The following ANKRD33B variants were observed in gnomAD, a reference collection of about 807,000 sequenced individuals.
The protein encoded by ANKRD33B is ankyrin repeat domain 33B.
ANKRD33B carries 6 observed loss-of-function variants against 21.5 expected under a neutral mutation model. That is an observed-to-expected ratio of 0.28 (90% CI 0.15 to 0.55). The LOEUF (loss-of-function observed/expected upper bound fraction) is 0.55. Ranked by LOEUF, ANKRD33B falls within the 20% of genes least tolerant of loss-of-function variation. The pLI, the probability that ANKRD33B is intolerant of heterozygous loss-of-function variation, is 0.94. For synonymous variants in ANKRD33B, 347 were observed against 342.4 expected, an observed-to-expected ratio of 1.01 and a Z score of -0.15; for missense variants, 698 against 747.2, an observed-to-expected ratio of 0.93 and a Z score of 0.77.
chr5:10,599,573 A>G (rs1397487260), intron 1 of ANKRD33B, among the ~76,000 whole-genome samples: 1 of 152,214 alleles, frequency 6.6e-6, no homozygotes, highest in Non-Finnish European at 1.5e-5. Context: ...TTGCATAAAT[A>G]GAATCATACA....
At chr5:10,641,487 C>A (rs1737061833) in intron 3 of ANKRD33B, among the ~76,000 whole-genome samples, 1 of 151,922 alleles carries the variant, frequency 6.6e-6, no homozygotes, top group African/African-American at 2.4e-5. Flanking sequence ...CCTTAGCCTC[C>A]CAAAGTTCTG....
At chr5:10,627,968 C>T (rs183351539) in intron 2 of ANKRD33B, 118 of 152,436 alleles carry the variant, frequency 7.7e-4, no homozygotes, top group African/African-American at 2.6e-3. Flanking sequence ...CCCTCCCCTA[C>T]TAACCCTGCC....
At chr5:10,648,846 T>G (rs899641102) in intron 3 of ANKRD33B, among the ~76,000 whole-genome samples, 2 of 152,146 alleles carry the variant, frequency 1.3e-5, no homozygotes, top group African/African-American at 4.8e-5. Context: ...AAAAGGCAGG[T>G]TGGGCTGGGC....
chr5:10,564,735 C>T lies in ANKRD33B; in HGVS notation c.268C>T (p.Leu90=), dbSNP rs1297544307. 3 of 1,531,364 alleles carry T rather than the reference C, an allele frequency of 2.0e-6. No homozygotes were observed. The South Asian group carries it at 3.6e-5, about 18-fold the overall frequency. 94.9% of individuals were successfully genotyped at this position (1,531,364 alleles called of 1,614,324 possible). A position where few individuals can be genotyped will look rare whatever the true frequency, so the allele number is the denominator to read the frequency against. ...AAGCGTCCCGGAGACGGCGACCCTC[C>T]TGCGCGCCGCCTGCGCCAACAACGT... ...PESVPETATL[L]RAACANNVGL... Residue 90 remains leucine, a synonymous_variant, in exon 1 of 4, where the codon CTG becomes TTG. Transcript: ENST00000296657.
intron 1 of ANKRD33B, among the ~76,000 whole-genome samples, chr5:10,569,132 C>T (rs1735119796): frequency 6.6e-6 from 1 of 152,086 alleles, no homozygotes; most frequent in Non-Finnish European, 1.5e-5. Flanking sequence ...TTGCAACAGC[C>T]CTCCGTCTTT....
chr5:10,595,247 G>A (rs573328160), intron 1 of ANKRD33B, among the ~76,000 whole-genome samples: 8 of 152,156 alleles, frequency 5.3e-5, no homozygotes, highest in Admixed American at 5.2e-4. Context: ...TGCTAGATTG[G>A]CAGTGGATTT....
At chr5:10,640,039 G>GC (rs1242578257) in intron 3 of ANKRD33B, among the ~76,000 whole-genome samples, 86 of 90,664 alleles carry the variant, frequency 9.5e-4, no homozygotes, top group Non-Finnish European at 1.4e-3. Context: ...AGCGGGTGAC[G>GC]TGGAGTTGCA....
chr5:10,632,953 A>C (rs1398963978), intron 2 of ANKRD33B, among the ~76,000 whole-genome samples: 5 of 151,536 alleles, frequency 3.3e-5, no homozygotes, highest in African/African-American at 1.2e-4. Context: ...ACTCCCAGCT[A>C]ATTTTTCTAT....
intron 1 of ANKRD33B, among the ~76,000 whole-genome samples, chr5:10,597,161 G>A (rs1396478844): frequency 4.6e-5 from 7 of 152,144 alleles, no homozygotes; most frequent in South Asian, 4.1e-4. Flanking sequence ...AGCTAGCATC[G>A]TGATGACAGG....
chr5:10,569,007 CAGGGCTTTATCTTGAAATG>C (rs1233736928), intron 1 of ANKRD33B, among the ~76,000 whole-genome samples: 1 of 152,094 alleles, frequency 6.6e-6, no homozygotes, highest in East Asian at 1.9e-4. Flanking sequence ...TAGCGATGAT[CAGGGCTTTATCTTGAAATG>C]TATGTGAGAA....
chr5:10,649,169 G>A (rs1737259692), intron 3 of ANKRD33B, 97 bp from the exon 4 acceptor site: 3 of 1,440,372 alleles, frequency 2.1e-6, no homozygotes, highest in African/African-American at 1.4e-5. Flanking sequence ...CCAGGGGTGG[G>A]GGGTGGGGGC....
intron 2 of ANKRD33B, chr5:10,625,143 T>C: frequency 5.3e-6 from 1 of 188,724 alleles, no homozygotes; most frequent in Non-Finnish European, 1.1e-5. Flanking sequence ...ATGACTTTCC[T>C]GTGCTGTTTT....
intron 1 of ANKRD33B, among the ~76,000 whole-genome samples, chr5:10,617,775 C>T (rs754279554): frequency 6.6e-5 from 10 of 152,208 alleles, no homozygotes; most frequent in South Asian, 2.1e-4. Context: ...CTAGCCCTGC[C>T]GGCCAATGGG....
intron 3 of ANKRD33B, among the ~76,000 whole-genome samples, chr5:10,639,175 C>A (rs13186518): frequency 0.013 from 100 of 7,424 alleles, no homozygotes; most frequent in South Asian, 0.028. Context: ...GGTGACGCGG[C>A]GTTGCGCGGC....
chr5:10,637,313 T>A (rs1736889953), intron 2 of ANKRD33B, among the ~76,000 whole-genome samples: 1 of 152,036 alleles, frequency 6.6e-6, no homozygotes, highest in African/African-American at 2.4e-5. Context: ...AGGTGCAAGG[T>A]GAGAAAGGGG....
At chr5:10,584,031 G>A (rs769817349) in intron 1 of ANKRD33B, among the ~76,000 whole-genome samples, 70 of 152,170 alleles carry the variant, frequency 4.6e-4, no homozygotes, top group African/African-American at 6.8e-4. Context: ...TGCCCGGCGT[G>A]AGCAGCCTAG....
intron 3 of ANKRD33B, among the ~76,000 whole-genome samples, chr5:10,643,447 A>T (rs985256697): frequency 1.3e-5 from 2 of 151,160 alleles, no homozygotes. Context: ...GGGAAAGGAT[A>T]TACAAAGTGA....
chr5:10,647,179 A>G (rs1737207831), intron 3 of ANKRD33B, among the ~76,000 whole-genome samples: 1 of 151,230 alleles, frequency 6.6e-6, no homozygotes, highest in Non-Finnish European at 1.5e-5. Context: ...ATCTCGGCTC[A>G]CTGCAACCTC....
intron 1 of ANKRD33B, among the ~76,000 whole-genome samples, chr5:10,596,305 C>T (rs1261972224): frequency 1.3e-5 from 2 of 152,298 alleles, no homozygotes; most frequent in East Asian, 3.9e-4. Context: ...AGCTATTCTT[C>T]CTGATGCTCT....
Sources: allele counts gnomAD v4.1 joint callset (sites outside exome capture counted in the v4.1 genomes callset), GRCh38; gene constraint gnomAD v4.1.1; transcripts MANE v1.5; gene names NCBI Gene and HGNC (gene_info 2026-07-23, HGNC 2026-07-21).